TRMT11: variants seen among roughly 807,000 people sequenced by gnomAD.
TRMT11 encodes the protein tRNA methyltransferase 11.
Under a neutral mutation model 62.8 loss-of-function variants are expected in TRMT11, and 53 were observed. The observed-to-expected ratio is 0.84, with a 90% CI of 0.68 to 1.06. The LOEUF is 1.06. Among genes scored for constraint, TRMT11 ranks in the 50% least tolerant of loss-of-function variants. The pLI is 0.00. For missense variants in TRMT11, 556 were observed against 553.4 expected (o/e 1.00, Z -0.05); for synonymous variants, 188 against 190.3 (o/e 0.99, Z 0.10).
At chr6:126,202,324 C>G (rs947590000), downstream of TRMT11, 1 of 152,172 alleles carries the variant, frequency 6.6e-6, no homozygotes, top group African/African-American at 2.4e-5. Context: ...TATTTTGGAG[C>G]AAACTGGTTT....
At position 126,008,552 on chromosome 6, in the gene TRMT11, G is replaced by A. The variant is rs1793711212; in HGVS notation, c.760+80G>A. 6.4e-6 allele frequency: 8 copies of A among 1,241,028 alleles called. No homozygotes were observed. In the South Asian group the frequency reaches 9.6e-5, roughly 15 times the overall value. 76.9% of individuals were successfully genotyped at this position (1,241,028 alleles called of 1,614,324 possible). A position where few individuals can be genotyped will look rare whatever the true frequency, so the allele number is the denominator to read the frequency against. ...TTTAAACATACAGTTGACCCTGGAAGAACACAAGTTTGAATTGCACAGGTC... is the reference window on the plus strand; with the variant it reads ...TTTAAACATACAGTTGACCCTGGAAAAACACAAGTTTGAATTGCACAGGTC... On this transcript the variant is annotated intron_variant, in intron 8 of 12. Coordinates refer to ENST00000334379, the MANE Select transcript of TRMT11 (RefSeq NM_001031712.3).
the TRMT11 span, among the ~76,000 whole-genome samples, chr6:126,239,511 T>G: frequency 6.6e-6 from 1 of 152,206 alleles, no homozygotes; most frequent in Non-Finnish European, 1.5e-5. Context: ...AAAATTCTTT[T>G]CTTTAAGAAT....
intron 7 of TRMT11, among the ~76,000 whole-genome samples, chr6:126,004,531 T>C (rs1468960135): frequency 6.6e-6 from 1 of 152,032 alleles, no homozygotes; most frequent in East Asian, 1.9e-4. Context: ...TTAAGCACAG[T>C]TTGTCCTCTC....
At chr6:126,021,040 C>T in intron 11 of TRMT11, 120 bp from the exon 12 acceptor site, 1 of 1,109,336 alleles carries the variant, frequency 9.0e-7, no homozygotes, top group Non-Finnish European at 1.3e-6. Flanking sequence ...GGACAGTTAG[C>T]ATATGTGGGG....
chr6:126,008,004 G>C (rs1793619448), intron 7 of TRMT11, among the ~76,000 whole-genome samples: 1 of 151,934 alleles, frequency 6.6e-6, no homozygotes, highest in Non-Finnish European at 1.5e-5. Flanking sequence ...CTAGTCATCA[G>C]AATTTATTCT....
At chr6:126,193,335 T>G (rs1192382022) in intron 1 of TRMT11, among the ~76,000 whole-genome samples, 1 of 151,866 alleles carries the variant, frequency 6.6e-6, no homozygotes, top group Non-Finnish European at 1.5e-5. Context: ...AACTAAAGGT[T>G]TATTATTTTG....
At chr6:126,031,360 G>A (rs1774158664) in intron 12 of TRMT11, among the ~76,000 whole-genome samples, 1 of 152,102 alleles carries the variant, frequency 6.6e-6, no homozygotes, top group African/African-American at 2.4e-5. Context: ...GTGTTTATGG[G>A]ACCATTCGTG....
chr6:126,115,341 C>G (rs532087115), intron 19 of TRMT11, among the ~76,000 whole-genome samples: 5 of 152,206 alleles, frequency 3.3e-5, no homozygotes, highest in Non-Finnish European at 7.4e-5. Flanking sequence ...TTTCCCATGT[C>G]CAGGTTGCAG....
intron 17 of TRMT11, among the ~76,000 whole-genome samples, chr6:126,083,407 G>C (rs192540291): frequency 1.5e-3 from 230 of 152,194 alleles, no homozygotes; most frequent in African/African-American, 5.1e-3. Flanking sequence ...TAGGTAATCT[G>C]CTATTTACTT....
At chr6:126,022,747 A>G (rs1796012923) in intron 12 of TRMT11, among the ~76,000 whole-genome samples, 1 of 152,268 alleles carries the variant, frequency 6.6e-6, no homozygotes, top group African/African-American at 2.4e-5. Flanking sequence ...AAGCTAACCT[A>G]TACATCTATA....
intron 7 of TRMT11, among the ~76,000 whole-genome samples, chr6:126,004,252 A>G (rs1010498583): frequency 6.6e-6 from 1 of 151,958 alleles, no homozygotes. Context: ...CTGTCAATAT[A>G]TGGACCATTT....
chr6:126,157,365 G>A (rs1778133930), intron 21 of TRMT11, among the ~76,000 whole-genome samples: 1 of 152,156 alleles, frequency 6.6e-6, no homozygotes, highest in Non-Finnish European at 1.5e-5. Context: ...ACTTAGCTTT[G>A]GAGAATTTCA....
intron 21 of TRMT11, among the ~76,000 whole-genome samples, chr6:126,132,054 T>C (rs1372480290): frequency 2.0e-5 from 3 of 151,894 alleles, no homozygotes; most frequent in Admixed American, 6.6e-5. Flanking sequence ...ATAGAGAGAG[T>C]GGAATTCCAC....
chr6:126,152,844 T>G (rs1778074672), intron 21 of TRMT11, among the ~76,000 whole-genome samples: 1 of 152,168 alleles, frequency 6.6e-6, no homozygotes, highest in Non-Finnish European at 1.5e-5. Context: ...CCTCAGTCAC[T>G]GCTGTTGCAA....
At chr6:125,996,812 A>G (rs534969372) in intron 3 of TRMT11, among the ~76,000 whole-genome samples, 2 of 152,310 alleles carry the variant, frequency 1.3e-5, no homozygotes, top group East Asian at 3.9e-4. Context: ...TTTTATTAAC[A>G]TGGTTAGCGA....
At chr6:126,218,243 G>C in the TRMT11 span, among the ~76,000 whole-genome samples, 1 of 152,180 alleles carries the variant, frequency 6.6e-6, no homozygotes, top group African/African-American at 2.4e-5. Flanking sequence ...TAAGCAGCAA[G>C]ACAAAGTCCC....
At chr6:126,257,906 C>A in the TRMT11 span, 4 of 1,497,578 alleles carry the variant, frequency 2.7e-6, no homozygotes, top group Non-Finnish European at 9.3e-7. Flanking sequence ...CACCATTCAC[C>A]TGGGTCAAGG....
intron 1 of TRMT11, among the ~76,000 whole-genome samples, chr6:126,197,188 ACTT>A (rs1017030555): frequency 4.3e-4 from 66 of 152,196 alleles, no homozygotes; most frequent in African/African-American, 1.5e-3. Context: ...TTGTGTTTCT[ACTT>A]CTTCTGCTTT....
chr6:126,077,226 G>T (rs928479538), intron 17 of TRMT11, among the ~76,000 whole-genome samples: 1 of 152,158 alleles, frequency 6.6e-6, no homozygotes, highest in Admixed American at 6.5e-5. Flanking sequence ...TTAATTATTT[G>T]TCTTTATTTA....
Sources: gnomAD v4.1 joint callset for allele counts (sites outside exome capture counted in the v4.1 genomes callset) on GRCh38, gnomAD v4.1.1 for gene constraint, MANE v1.5 for transcripts, NCBI Gene and HGNC (gene_info 2026-07-23, HGNC 2026-07-21) for gene names.